Variants in FSHR observed in about 807,000 individuals in gnomAD.
FSHR encodes the protein follicle stimulating hormone receptor, also known as follicle-stimulating hormone receptor.
In FSHR, 46 loss-of-function variants were observed where a neutral mutation model predicts 52.1. The ratio of observed to expected loss-of-function variants is 0.88; its 90% confidence interval spans 0.70 to 1.13. The LOEUF (loss-of-function observed/expected upper bound fraction) is 1.13, where lower values mean the gene tolerates loss of function less well. Ranked by LOEUF, FSHR falls within the 50% of genes most tolerant of loss-of-function variation. The probability of loss-of-function intolerance (pLI) is 0.00; values close to 1 mark genes in which losing one functional copy is unlikely to be tolerated. For missense variants in FSHR, 964 were observed against 834.6 expected (o/e 1.16, Z -1.91); for synonymous variants, 399 against 309.6 (o/e 1.29, Z -3.03).
chr2:49,005,273 C>A lies in FSHR; in HGVS notation c.374+12216G>T, dbSNP rs543534027. On this transcript the variant is annotated intron_variant, in intron 4 of 9. Coordinates refer to ENST00000406846, the MANE Select transcript of FSHR (RefSeq NM_000145.4). ...GTGGTCCTTGCCTCCCTGGAGATGACCGGCTTGGGCTGAAATCTCACCTTC... is the reference window on the plus strand; with the variant it reads ...GTGGTCCTTGCCTCCCTGGAGATGAACGGCTTGGGCTGAAATCTCACCTTC... Among the ~76,000 whole-genome samples the A allele has an allele frequency of 2.0e-5, 3 of 152,164 alleles. No individual in the cohort carries two copies. The South Asian group carries it at 6.2e-4, about 32-fold the overall frequency.
chr2:48,976,141 T>C (rs1674976780), intron 8 of FSHR, among the ~76,000 whole-genome samples: 2 of 152,240 alleles, frequency 1.3e-5, no homozygotes, highest in Non-Finnish European at 2.9e-5. Flanking sequence ...ATAGCTCTTA[T>C]TATTTTGAGA....
chr2:49,109,336 C>G (rs574902920), intron 1 of FSHR, among the ~76,000 whole-genome samples: 4 of 151,878 alleles, frequency 2.6e-5, no homozygotes, highest in Non-Finnish European at 4.4e-5. Context: ...TTATGCCCAT[C>G]GAAAAATGTG....
At chr2:49,115,213 G>T (rs955924324) in intron 1 of FSHR, among the ~76,000 whole-genome samples, 1 of 151,478 alleles carries the variant, frequency 6.6e-6, no homozygotes, top group Non-Finnish European at 1.5e-5. Flanking sequence ...AGCAGAGAGA[G>T]ATTGTCGCAT....
At chr2:49,035,972 T>C (rs1668258106) in intron 2 of FSHR, among the ~76,000 whole-genome samples, 2 of 152,230 alleles carry the variant, frequency 1.3e-5, no homozygotes, top group South Asian at 4.1e-4. Context: ...AGCATGTAGA[T>C]TTCATTTGAA....
At position 49,037,636 on chromosome 2, in the gene FSHR, G is replaced by C. The variant is rs554071782; in HGVS notation, c.225-17476C>G. On this transcript the variant is annotated intron_variant, in intron 2 of 9. Coordinates refer to ENST00000406846, the MANE Select transcript of FSHR (RefSeq NM_000145.4). The stretch of plus-strand genomic sequence containing the variant: ...GAAAATACTAATACACGAATATAAA[G>C]TTAAGGTAATTAAACACTCAATAAG... Among the ~76,000 whole-genome samples, 5 of 152,184 alleles carry C rather than the reference G, an allele frequency of 3.3e-5. No individual in the cohort carries two copies. In the South Asian group the frequency reaches 1.0e-3, roughly 32 times the overall value.
chr2:49,014,706 A>G lies in FSHR; in HGVS notation c.374+2783T>C, dbSNP rs114206023. On this transcript the variant is annotated intron_variant, in intron 4 of 9. Coordinates refer to ENST00000406846, the MANE Select transcript of FSHR (RefSeq NM_000145.4). Reference sequence around the variant, plus strand: ...CTCATTTCTCATTTACCTGTTTCCAATCCGCATTTTCAGATATGCTATTAT... The same window carrying G: ...CTCATTTCTCATTTACCTGTTTCCAGTCCGCATTTTCAGATATGCTATTAT... The G allele has an allele frequency of 9.3e-3, 2,259 of 241,912 alleles. 18 individuals are homozygous for G. Among genetic ancestry groups the G allele is most frequent in the Non-Finnish European group, 0.012 (1,443 of 118,722 alleles). The allele number at this position is 241,912 out of a possible 1,614,324, so 15.0% of individuals were successfully genotyped here.
chr2:48,991,300 T>C (rs1344627191), intron 4 of FSHR, among the ~76,000 whole-genome samples: 2 of 152,144 alleles, frequency 1.3e-5, no homozygotes, highest in East Asian at 3.9e-4. Context: ...GATAGCATGA[T>C]TTCAGAGCAT....
At chr2:49,137,184 C>T (rs1225404784) in intron 1 of FSHR, among the ~76,000 whole-genome samples, 2 of 151,782 alleles carry the variant, frequency 1.3e-5, no homozygotes, top group East Asian at 1.9e-4. Flanking sequence ...ATCAATATAC[C>T]AAAATCAATT....
At chr2:48,986,825 G>A (rs556714131) in intron 6 of FSHR, among the ~76,000 whole-genome samples, 1 of 152,224 alleles carries the variant, frequency 6.6e-6, no homozygotes, top group African/African-American at 2.4e-5. Context: ...AAAGTGCTTT[G>A]CCTTCTGTCT....
At chr2:49,123,663 C>T (rs900803248) in intron 1 of FSHR, among the ~76,000 whole-genome samples, 27 of 152,064 alleles carry the variant, frequency 1.8e-4, no homozygotes, top group African/African-American at 6.5e-4. Context: ...TAAAATACAA[C>T]TTTAAAATAA....
chr2:48,989,440 A>G (rs1457021695), intron 5 of FSHR, among the ~76,000 whole-genome samples: 1 of 151,734 alleles, frequency 6.6e-6, no homozygotes, highest in East Asian at 1.9e-4. Context: ...GCACCACCAT[A>G]CCCAGCTAAT....
At chr2:49,071,902 C>A (rs1669746281) in intron 1 of FSHR, among the ~76,000 whole-genome samples, 2 of 152,054 alleles carry the variant, frequency 1.3e-5, no homozygotes, top group Admixed American at 1.3e-4. Flanking sequence ...AGGATGGCAC[C>A]AAGCTGCTCA....
intron 1 of FSHR, among the ~76,000 whole-genome samples, chr2:49,113,022 C>T (rs957503558): frequency 1.3e-5 from 2 of 152,054 alleles, no homozygotes; most frequent in Admixed American, 1.3e-4. Flanking sequence ...GGAAAGAAAA[C>T]GGGCCACTTA....
At chr2:48,982,165 G>A (rs559167562) in intron 8 of FSHR, among the ~76,000 whole-genome samples, 7 of 152,274 alleles carry the variant, frequency 4.6e-5, no homozygotes, top group African/African-American at 7.2e-5. Context: ...TGAGAGCCAC[G>A]GGAAGAAGTC....
At chr2:49,040,044 T>C (rs1668425914) in intron 2 of FSHR, among the ~76,000 whole-genome samples, 1 of 152,194 alleles carries the variant, frequency 6.6e-6, no homozygotes, top group Admixed American at 6.5e-5. Flanking sequence ...GCAGCATTCC[T>C]GGATCCACAG....
rs74335030 is a variant in FSHR at position 49,056,347 on chromosome 2, C to G, written c.224+11872G>C. ...TGAGCAGGAATAGCTATACTTACATCAGAAAAACAGACTTAAGTTAAAAGA... is the reference window on the plus strand; with the variant it reads ...TGAGCAGGAATAGCTATACTTACATGAGAAAAACAGACTTAAGTTAAAAGA... On this transcript the variant is annotated intron_variant, in intron 2 of 9. Coordinates refer to ENST00000406846, the MANE Select transcript of FSHR (RefSeq NM_000145.4). 1.8e-4 allele frequency among the ~76,000 whole-genome samples: 27 copies of G among 150,620 alleles called. 1 individual carries two copies. The highest frequency in any genetic ancestry group is 2.6e-4 in the Admixed American group (4 of 15,116).
At chr2:49,041,097 A>T (rs1231762116) in intron 2 of FSHR, among the ~76,000 whole-genome samples, 1 of 152,234 alleles carries the variant, frequency 6.6e-6, no homozygotes, top group Non-Finnish European at 1.5e-5. Flanking sequence ...GGCTATACAC[A>T]TGCAGAAACA....
chr2:49,102,844 G>GACA, intron 1 of FSHR, among the ~76,000 whole-genome samples: 1 of 107,646 alleles, frequency 9.3e-6, no homozygotes, highest in Non-Finnish European at 1.9e-5. Context: ...CAGGATTTCT[G>GACA]CCACGGTTTG....
chr2:48,991,739 C>T (rs1015547322), intron 4 of FSHR, among the ~76,000 whole-genome samples: 1 of 152,298 alleles, frequency 6.6e-6, no homozygotes, highest in East Asian at 1.9e-4. Flanking sequence ...TTATTGGACG[C>T]ATTGTTCTTT....
Sources: gnomAD v4.1 joint callset for allele counts (sites outside exome capture counted in the v4.1 genomes callset) on GRCh38, gnomAD v4.1.1 for gene constraint, MANE v1.5 for transcripts, NCBI Gene and HGNC (gene_info 2026-07-23, HGNC 2026-07-21) for gene names.